Variants in SPIDR observed in about 807,000 individuals in gnomAD.
The protein encoded by SPIDR is scaffold protein involved in DNA repair.
SPIDR carries 93 observed loss-of-function variants against 104.6 expected under a neutral mutation model. That is an observed-to-expected ratio of 0.89 (90% CI 0.75 to 1.06). The LOEUF (loss-of-function observed/expected upper bound fraction) is 1.06. Ranked by LOEUF, SPIDR falls within the 50% of genes least tolerant of loss-of-function variation. The pLI is 0.00. For synonymous variants in SPIDR, 431 were observed against 416.9 expected, an observed-to-expected ratio of 1.03 and a Z score of -0.41; for missense variants, 1,154 against 1,111.2, an observed-to-expected ratio of 1.04 and a Z score of -0.55.
intron 14 of SPIDR, among the ~76,000 whole-genome samples, chr8:47,711,309 T>C (rs2081853426): frequency 6.6e-6 from 1 of 152,198 alleles, no homozygotes; most frequent in Non-Finnish European, 1.5e-5. Flanking sequence ...TTGATTTTAA[T>C]GGAGAATGGC....
chr8:47,602,259 A>G (rs2062390035), intron 10 of SPIDR, among the ~76,000 whole-genome samples: 1 of 152,210 alleles, frequency 6.6e-6, no homozygotes, highest in Non-Finnish European at 1.5e-5. Flanking sequence ...CTCAGTTAGT[A>G]CAGACTCATC....
intron 5 of SPIDR, among the ~76,000 whole-genome samples, chr8:47,319,302 C>T (rs1311570141): frequency 6.6e-6 from 1 of 152,122 alleles, no homozygotes; most frequent in African/African-American, 2.4e-5. Context: ...ATCCTAGTCT[C>T]TGATAAAACA....
chr8:47,717,176 C>T (rs2082708670), intron 16 of SPIDR, among the ~76,000 whole-genome samples: 1 of 152,130 alleles, frequency 6.6e-6, no homozygotes, highest in Non-Finnish European at 1.5e-5. Flanking sequence ...TTGGCAGTGA[C>T]CCATCGCTCG....
chr8:47,285,536 T>A (rs1393054041), intron 3 of SPIDR, among the ~76,000 whole-genome samples: 1 of 152,222 alleles, frequency 6.6e-6, no homozygotes, highest in African/African-American at 2.4e-5. Flanking sequence ...TTGGAATTTT[T>A]GTTAATAGGA....
intron 1 of SPIDR, among the ~76,000 whole-genome samples, chr8:47,278,055 A>C (rs1219309802): frequency 6.6e-6 from 1 of 150,960 alleles, no homozygotes; most frequent in Non-Finnish European, 1.5e-5. Context: ...CAAAAGTTAT[A>C]ATTGCTACAC....
rs546812437 is a variant in SPIDR, at chr8:47,430,941, T to C, written c.878-9382T>C. 6.6e-5 allele frequency among the ~76,000 whole-genome samples: 10 copies of C among 152,256 alleles called. 1 individual carries two copies. Among genetic ancestry groups the C allele is most frequent in the African/African-American group, 2.4e-4 (10 of 41,542 alleles). On this transcript the variant is annotated intron_variant, in intron 7 of 19. Coordinates refer to ENST00000297423, the MANE Select transcript of SPIDR (RefSeq NM_001080394.4). ...GAACTCGTATTCTCGATACTCAGAG[T>C]GGAAGGCATGGCTGGTCATCAGTGT...
At chr8:47,713,664 T>C (rs1488936050) in intron 16 of SPIDR, 23 bp downstream of exon 16, 1 of 1,613,390 alleles carries the variant, frequency 6.2e-7, no homozygotes, top group African/African-American at 1.3e-5. Flanking sequence ...CTCACAGGAA[T>C]TGGTGCTTAT....
intron 2 of SPIDR, 62 bp from the exon 3 acceptor site, chr8:47,283,966 T>C: frequency 7.7e-7 from 1 of 1,297,074 alleles, no homozygotes; most frequent in Non-Finnish European, 1.1e-6. Context: ...TTTTGAATAT[T>C]TTATAAAAGT....
intron 5 of SPIDR, among the ~76,000 whole-genome samples, chr8:47,354,331 G>A (rs1210792851): frequency 6.8e-6 from 1 of 146,774 alleles, no homozygotes; most frequent in Non-Finnish European, 1.5e-5. Flanking sequence ...TCTTTATTTC[G>A]TTTGCCATCT....
At chr8:47,441,325 T>G (rs2069387311) in intron 8 of SPIDR, among the ~76,000 whole-genome samples, 1 of 152,148 alleles carries the variant, frequency 6.6e-6, no homozygotes, top group Non-Finnish European at 1.5e-5. Flanking sequence ...CTAGACCAAG[T>G]TAAAAATTGG....
At chr8:47,294,260 T>C (rs1388985791) in intron 5 of SPIDR, 1 of 440,458 alleles carries the variant, frequency 2.3e-6, no homozygotes, top group Admixed American at 4.3e-5. Context: ...CCACCCTCAC[T>C]GCACACCGAA....
chr8:47,421,455 C>T (rs2065444712), intron 7 of SPIDR, among the ~76,000 whole-genome samples: 1 of 152,190 alleles, frequency 6.6e-6, no homozygotes, highest in Non-Finnish European at 1.5e-5. Flanking sequence ...TGGTTTTTAG[C>T]TCCATGAGGT....
intron 8 of SPIDR, among the ~76,000 whole-genome samples, chr8:47,552,228 TGAG>T (rs2090620133): frequency 6.6e-6 from 1 of 152,250 alleles, no homozygotes; most frequent in Non-Finnish European, 1.5e-5. Context: ...GATGTGGTGC[TGAG>T]AAGAATATAT....
chr8:47,696,289 T>C (rs2079320418), intron 11 of SPIDR, among the ~76,000 whole-genome samples: 2 of 152,236 alleles, frequency 1.3e-5, no homozygotes, highest in South Asian at 4.1e-4. Flanking sequence ...TTTGACAGCT[T>C]CCAAAATATG....
chr8:47,530,099 C>T (rs1324407042), intron 8 of SPIDR, among the ~76,000 whole-genome samples: 3 of 152,156 alleles, frequency 2.0e-5, no homozygotes, highest in Admixed American at 1.3e-4. Context: ...CCTACTGCTC[C>T]TAGGCTACAC....
chr8:47,532,589 C>T (rs931977390), intron 8 of SPIDR, among the ~76,000 whole-genome samples: 3 of 152,190 alleles, frequency 2.0e-5, no homozygotes, highest in African/African-American at 4.8e-5. Flanking sequence ...GATGGCGTAA[C>T]AGCCCTTAAT....
At chr8:47,345,769 C>CT (rs2051843658) in intron 5 of SPIDR, among the ~76,000 whole-genome samples, 1 of 151,650 alleles carries the variant, frequency 6.6e-6, no homozygotes, top group Non-Finnish European at 1.5e-5. Context: ...CTGTTTGTCT[C>CT]TTATTGGTGT....
intron 10 of SPIDR, among the ~76,000 whole-genome samples, chr8:47,622,268 A>G (rs1349021794): frequency 1.3e-5 from 2 of 152,206 alleles, no homozygotes; most frequent in Admixed American, 6.5e-5. Flanking sequence ...GATGGCTTTG[A>G]AGTTTTCAAC....
chr8:47,517,031 C>T (rs904093863), intron 8 of SPIDR, among the ~76,000 whole-genome samples: 1 of 152,186 alleles, frequency 6.6e-6, no homozygotes, highest in African/African-American at 2.4e-5. Flanking sequence ...GTCGCCCAGG[C>T]TGGAGTACAG....
Sources: gnomAD v4.1 joint callset for allele counts (sites outside exome capture counted in the v4.1 genomes callset) on GRCh38, gnomAD v4.1.1 for gene constraint, MANE v1.5 for transcripts, NCBI Gene and HGNC (gene_info 2026-07-23, HGNC 2026-07-21) for gene names.